Variants in BICRA observed in about 807,000 individuals in gnomAD.
BICRA encodes BRD4-interacting chromatin-remodeling complex-associated protein.
Under a neutral mutation model 96.9 loss-of-function variants are expected in BICRA, and 31 were observed. The observed-to-expected ratio is 0.32, with a 90% CI of 0.24 to 0.43. BICRA has a LOEUF of 0.43. Among genes scored for constraint, BICRA ranks in the 20% least tolerant of loss-of-function variants. The probability of loss-of-function intolerance (pLI) is 1.00; values close to 1 mark genes in which losing one functional copy is unlikely to be tolerated. For synonymous variants in BICRA, 1,350 were observed against 1,071.8 expected (o/e 1.26, Z -5.07); for missense variants, 2,283 against 2,190.3 (o/e 1.04, Z -0.84).
chr19:47,644,604 A>C (rs953796496), intron 1 of BICRA, among the ~76,000 whole-genome samples: 1 of 150,990 alleles, frequency 6.6e-6, no homozygotes, highest in Admixed American at 6.6e-5. Context: ...GGGTTCAAGC[A>C]ACCCTCCTGC....
chr19:47,656,477 T>G (rs139916811), intron 1 of BICRA, among the ~76,000 whole-genome samples: 5 of 152,318 alleles, frequency 3.3e-5, no homozygotes. Flanking sequence ...GGAACCTAAC[T>G]TTGTATTTCC....
intron 1 of BICRA, among the ~76,000 whole-genome samples, chr19:47,619,271 A>G (rs1198739149): frequency 7.2e-6 from 1 of 138,450 alleles, no homozygotes. Flanking sequence ...TGTGTTTGAG[A>G]TGGGGTCTCG....
At chr19:47,686,014 T>C (rs1973153001) in intron 7 of BICRA, among the ~76,000 whole-genome samples, 1 of 151,642 alleles carries the variant, frequency 6.6e-6, no homozygotes, top group Non-Finnish European at 1.5e-5. Flanking sequence ...AACTGCAACC[T>C]TCACCTCCCA....
chr19:47,641,422 T>C (rs1353508439), intron 1 of BICRA, among the ~76,000 whole-genome samples: 1 of 152,172 alleles, frequency 6.6e-6, no homozygotes, highest in Admixed American at 6.6e-5. Context: ...GCTCAGGCAA[T>C]GCAAAAATCT....
intron 4 of BICRA, among the ~76,000 whole-genome samples, chr19:47,674,827 G>A (rs546296071): frequency 8.5e-5 from 13 of 152,292 alleles, no homozygotes; most frequent in East Asian, 3.9e-4. Flanking sequence ...GGAGGAACCC[G>A]CAGTGCCCTT....
At chr19:47,609,487 A>C (rs1480254171) in intron 1 of BICRA, among the ~76,000 whole-genome samples, 1 of 77,642 alleles carries the variant, frequency 1.3e-5, no homozygotes, top group Non-Finnish European at 3.5e-5. Context: ...ACCCCCCCCC[A>C]ACCGGCTTCC....
chr19:47,694,808 C>A, intron 8 of BICRA, 82 bp downstream of exon 8: 1 of 973,148 alleles, frequency 1.0e-6, no homozygotes, highest in Non-Finnish European at 1.5e-6. Context: ...CTCCGCCTTA[C>A]GGCTCTGTGA....
At chr19:47,651,370 GTCC>G (rs1972537696) in intron 1 of BICRA, among the ~76,000 whole-genome samples, 1 of 152,044 alleles carries the variant, frequency 6.6e-6, no homozygotes, top group African/African-American at 2.4e-5. Context: ...ACCATTGCAT[GTCC>G]TCCTCCTTCT....
At chr19:47,693,378 T>A (rs1009001977) in intron 7 of BICRA, among the ~76,000 whole-genome samples, 2 of 152,228 alleles carry the variant, frequency 1.3e-5, no homozygotes, top group Non-Finnish European at 2.9e-5. Flanking sequence ...TGCACGCTTG[T>A]ACCTGCAAGC....
chr19:47,631,718 G>A (rs1972224663), intron 1 of BICRA, among the ~76,000 whole-genome samples: 1 of 152,018 alleles, frequency 6.6e-6, no homozygotes, highest in Non-Finnish European at 1.5e-5. Context: ...GTATGATCCC[G>A]GCTCATGGCA....
At position 47,675,934 on chromosome 19, in the gene BICRA, CGAT is replaced by C; in HGVS notation, c.150+19_150+21del. The C allele has an allele frequency of 2.5e-6, 4 of 1,572,824 alleles. No individual in the cohort carries two copies. The highest frequency in any genetic ancestry group is 2.6e-6 in the Non-Finnish European group (3 of 1,150,330). Reference sequence around the variant, plus strand: ...GTCCTGGGGTAAGTGCCGTGGCTCCCGATCATTGCCTGAGCTGTTGGGGCTGCC... The same window carrying C: ...GTCCTGGGGTAAGTGCCGTGGCTCCCCATTGCCTGAGCTGTTGGGGCTGCC... On this transcript the variant is annotated intron_variant, in intron 5 of 14. Coordinates refer to ENST00000594866, the MANE Select transcript of BICRA (RefSeq NM_001394372.1). The surrounding 1 kb of genome is among the most constrained non-coding windows in gnomAD (Gnocchi z 4.7).
chr19:47,622,001 C>T (rs1207036895), intron 1 of BICRA, among the ~76,000 whole-genome samples: 1 of 150,834 alleles, frequency 6.6e-6, no homozygotes, highest in East Asian at 2.0e-4. Flanking sequence ...AAGTCTCACT[C>T]TGTTGCCTAA....
chr19:47,694,573 G>A lies in BICRA; in HGVS notation c.2742G>A (p.Gln914=). The part of the protein sequence containing the change: ...SDFQLQFPPS[Q]GPHKSPTPPP... ...TCCAGCTCCAGTTCCCACCCAGCCA[G>A]GGGCCCCACAAGTCCCCCACTCCCC... is the stretch of plus-strand genomic sequence containing the variant. The change falls in exon 8 of 15, where the codon CAG becomes CAA. Residue 914 remains glutamine (Q), a synonymous_variant. Coordinates refer to ENST00000594866, the MANE Select transcript of BICRA (RefSeq NM_001394372.1). 6.2e-6 allele frequency: 10 copies of A among 1,606,732 alleles called. No homozygotes were observed. The highest frequency in any genetic ancestry group is 8.5e-6 in the Non-Finnish European group (10 of 1,176,050).
At chr19:47,668,222 G>A (rs968949987) in intron 1 of BICRA, among the ~76,000 whole-genome samples, 8 of 152,084 alleles carry the variant, frequency 5.3e-5, no homozygotes, top group Non-Finnish European at 1.0e-4. Flanking sequence ...TAGTGGGCCC[G>A]CAGTCAGCGT....
intron 1 of BICRA, among the ~76,000 whole-genome samples, chr19:47,641,554 A>G (rs1972386122): frequency 6.6e-6 from 1 of 152,136 alleles, no homozygotes; most frequent in Non-Finnish European, 1.5e-5. Context: ...GGAGGCTGAG[A>G]CGGGACAGTC....
chr19:47,645,926 G>A (rs371660566), intron 1 of BICRA, among the ~76,000 whole-genome samples: 2 of 152,064 alleles, frequency 1.3e-5, no homozygotes, highest in African/African-American at 4.8e-5. Flanking sequence ...GTGAGACCCC[G>A]CCTCTACAAA....
chr19:47,638,079 G>C (rs531652344), intron 1 of BICRA, among the ~76,000 whole-genome samples: 7 of 152,196 alleles, frequency 4.6e-5, no homozygotes, highest in African/African-American at 1.7e-4. Flanking sequence ...GCACCCACGG[G>C]TCTCTGCCTC....
intron 8 of BICRA, 70 bp downstream of exon 8, chr19:47,694,796 C>A: frequency 9.0e-7 from 1 of 1,112,542 alleles, no homozygotes; most frequent in Non-Finnish European, 1.3e-6. Context: ...TGATGGGAGC[C>A]CCTCCGCCTT....
Position 47,680,505 on chromosome 19 carries a change from A to C in BICRA, c.1335A>C (p.Lys445Asn). 6.5e-7 allele frequency: 1 copy of C among 1,543,108 alleles called. No individual in the cohort carries two copies. The highest frequency in any genetic ancestry group is 2.5e-5 in the East Asian group (1 of 40,774). Residue 445 changes from lysine to asparagine, a missense_variant, in exon 6 of 15, where the codon AAA becomes AAC. Physicochemically the swap from Lys to Asn is moderately conservative, Grantham distance 94 (BLOSUM62 0). Coordinates refer to ENST00000594866, the MANE Select transcript of BICRA (RefSeq NM_001394372.1). ...APPQPPGALS[K>N]PMSVHLLNQG... Reference sequence around the variant, plus strand: ...CGCAGCCCCCCGGGGCCCTGAGCAAACCCATGAGCGTCCACCTCCTGAACC... The same window carrying C: ...CGCAGCCCCCCGGGGCCCTGAGCAACCCCATGAGCGTCCACCTCCTGAACC...
Sources: gnomAD v4.1 joint callset for allele counts (sites outside exome capture counted in the v4.1 genomes callset) on GRCh38, gnomAD v4.1.1 for gene constraint, Gnocchi (gnomAD v3.1) non-coding constraint, MANE v1.5 for transcripts, NCBI Gene and HGNC (gene_info 2026-07-23, HGNC 2026-07-21) for gene names.